GPR26: variants seen among roughly 807,000 people sequenced by gnomAD.
GPR26 encodes the protein G protein-coupled receptor 26.
In GPR26, 15 loss-of-function variants were observed where a neutral mutation model predicts 23.1. The observed-to-expected ratio is 0.65, with a 90% CI of 0.43 to 1.00. The LOEUF (loss-of-function observed/expected upper bound fraction) is 1.00, where lower values mean the gene tolerates loss of function less well. GPR26 is among the 50% of genes least tolerant of loss of function. GPR26 has a pLI of 0.00. For missense variants in GPR26, 359 were observed against 470.5 expected (o/e 0.76, Z 2.19); for synonymous variants, 228 against 222.1 (o/e 1.03, Z -0.24).
At chr10:123,682,072 A>C (rs1368670216) in intron 2 of GPR26, among the ~76,000 whole-genome samples, 1 of 152,232 alleles carries the variant, frequency 6.6e-6, no homozygotes, top group African/African-American at 2.4e-5. Flanking sequence ...CAGGCGCTGG[A>C]AACACAGAGA....
chr10:123,673,591 C>T (rs1412751957), intron 1 of GPR26, among the ~76,000 whole-genome samples: 2 of 152,198 alleles, frequency 1.3e-5, no homozygotes, highest in African/African-American at 4.8e-5. Context: ...ATCCTCAAAG[C>T]TATGTCATTG....
chr10:123,684,677 C>T (rs1258437887), intron 2 of GPR26, among the ~76,000 whole-genome samples: 2 of 152,228 alleles, frequency 1.3e-5, no homozygotes, highest in African/African-American at 4.8e-5. Flanking sequence ...TTCGTGTTCA[C>T]ACGGCACTCA....
At chr10:123,670,556 C>T (rs1221444750) in intron 1 of GPR26, among the ~76,000 whole-genome samples, 1 of 152,218 alleles carries the variant, frequency 6.6e-6, no homozygotes, top group Non-Finnish European at 1.5e-5. Context: ...GCTGGGTTCG[C>T]ATTTAGAATT....
rs1247007664 is a variant in GPR26 at position 123,674,036 on chromosome 10, C to A, written c.669-782C>A. On this transcript the variant is annotated intron_variant, in intron 1 of 2. Transcript: ENST00000284674. This position sits in a 1 kb window ranked among gnomAD's most constrained non-coding sequence, Gnocchi z 4.1. ...GCAATGACACGGTCTCAGCTCACTGCAACCTCTGCCTCCTGGGTTCAAGTG... is the reference window on the plus strand; with the variant it reads ...GCAATGACACGGTCTCAGCTCACTGAAACCTCTGCCTCCTGGGTTCAAGTG... 6.6e-6 allele frequency among the ~76,000 whole-genome samples: 1 copy of A among 152,180 alleles called. No individual in the cohort carries two copies. Among genetic ancestry groups the A allele is most frequent in the Non-Finnish European group, 1.5e-5 (1 of 68,032 alleles).
At chr10:123,669,747 C>T (rs968806093) in intron 1 of GPR26, among the ~76,000 whole-genome samples, 22 of 152,212 alleles carry the variant, frequency 1.4e-4, no homozygotes, top group Non-Finnish European at 2.8e-4. Context: ...CAGTCCTCAC[C>T]ACTTTGCTTC....
At chr10:123,678,536 G>A (rs367784177) in intron 2 of GPR26, among the ~76,000 whole-genome samples, 2 of 152,320 alleles carry the variant, frequency 1.3e-5, no homozygotes, top group African/African-American at 4.8e-5. Flanking sequence ...AGGCAGCAGG[G>A]AGAGGAGTGC....
chr10:123,689,859 G>A lies in GPR26; in HGVS notation c.*1699G>A, dbSNP rs142107543. On this transcript the variant is annotated 3_prime_UTR_variant, in exon 3 of 3. Transcript: ENST00000284674. ...AATGGAGACAGGTGTAGCTTCCAAG[G>A]AGGCCTTGGCATCTTGCAGTTGCTG... 9 of 152,264 alleles carry A rather than the reference G, an allele frequency of 5.9e-5. No homozygotes were observed. The East Asian group carries it at 1.5e-3, about 26-fold the overall frequency. The allele number at this position is 152,264 out of a possible 1,614,324, so 9.4% of individuals were successfully genotyped here.
chr10:123,674,689 C>T lies in GPR26; in HGVS notation c.669-129C>T, dbSNP rs73379632. 2.8e-3 allele frequency: 1,693 copies of T among 615,532 alleles called. 21 individuals carry two copies. The highest frequency in any genetic ancestry group is 0.025 in the African/African-American group (1,346 of 54,524). The allele number at this position is 615,532 out of a possible 1,614,324, so 38.1% of individuals were successfully genotyped here. Reference sequence around the variant, plus strand: ...GTCAATAGCTACAGCCAAGAGTTGACGCTGGGTCTTTCCGACTCCATAGTC... The same window carrying T: ...GTCAATAGCTACAGCCAAGAGTTGATGCTGGGTCTTTCCGACTCCATAGTC... On this transcript the variant is annotated intron_variant, in intron 1 of 2. Coordinates refer to ENST00000284674, the MANE Select transcript of GPR26 (RefSeq NM_153442.4). This position sits in a 1 kb window ranked among gnomAD's most constrained non-coding sequence, Gnocchi z 4.1.
intron 2 of GPR26, among the ~76,000 whole-genome samples, chr10:123,676,693 C>T (rs1185681867): frequency 1.3e-5 from 2 of 152,218 alleles, no homozygotes; most frequent in Admixed American, 1.3e-4. Context: ...GAAAGGATTT[C>T]TGTTGCTCCC....
In GPR26 at chr10:123,688,107, T is replaced by C. The variant is rs1845449501; in HGVS notation, c.961T>C (p.Ser321Pro). Reference sequence around the variant, plus strand: ...CCTGCACAGACGCTCCATCCACTCCTCTGGCCTCACAGGCGACTCTCACAG... The same window carrying C: ...CCTGCACAGACGCTCCATCCACTCCCCTGGCCTCACAGGCGACTCTCACAG... Reference protein sequence around the residue: ...RLLHRRSIHSSGLTGDSHSQN... With the variant: ...RLLHRRSIHSPGLTGDSHSQN... The change falls in exon 3 of 3, where the codon TCT (serine) becomes CCT (proline). Residue 321 changes from serine (S) to proline (P), a missense_variant. Ser to Pro is a moderately conservative substitution (Grantham distance 74). Transcript: ENST00000284674. 1.9e-6 allele frequency: 3 copies of C among 1,613,804 alleles called. No individual in the cohort carries two copies. Among genetic ancestry groups the C allele is most frequent in the East Asian group, 4.5e-5 (2 of 44,874 alleles).
In GPR26 at chr10:123,666,526, C is replaced by T. The variant is rs770106887; in HGVS notation, c.119C>T (p.Ala40Val). The change falls in exon 1 of 3, where the codon GCG (alanine) becomes GTG (valine). Residue 40 changes from alanine (A) to valine (V), a missense_variant. Coordinates refer to ENST00000284674, the MANE Select transcript of GPR26 (RefSeq NM_153442.4). ...LLHSADIRRQ[A>V]PALFTLNLTC... ...CACAGCGCGGACATCCGCCGCCAGGCGCCGGCGCTCTTCACCCTGAACCTC... is the reference window on the plus strand; with the variant it reads ...CACAGCGCGGACATCCGCCGCCAGGTGCCGGCGCTCTTCACCCTGAACCTC... 1.3e-6 allele frequency: 2 copies of T among 1,584,890 alleles called. No individual in the cohort carries two copies. The highest frequency in any genetic ancestry group is 1.3e-5 in the African/African-American group (1 of 74,160).
chr10:123,687,387 C>A (rs1044113243), intron 2 of GPR26, among the ~76,000 whole-genome samples: 3 of 152,218 alleles, frequency 2.0e-5, no homozygotes, highest in African/African-American at 7.2e-5. Context: ...GTTAAAAGAT[C>A]ATTGAGACGA....
intron 1 of GPR26, among the ~76,000 whole-genome samples, chr10:123,671,368 G>A (rs1432357769): frequency 6.6e-6 from 1 of 152,102 alleles, no homozygotes; most frequent in African/African-American, 2.4e-5. Context: ...CAAGGAAACT[G>A]TTGTGTCACA....
At chr10:123,672,292 G>A (rs1366746922) in intron 1 of GPR26, among the ~76,000 whole-genome samples, 7 of 152,264 alleles carry the variant, frequency 4.6e-5, no homozygotes, top group Middle Eastern at 3.4e-3. Context: ...TCTGGGGTGC[G>A]TGGATGAGCC....
At chr10:123,676,377 C>G (rs1004980582) in intron 2 of GPR26, among the ~76,000 whole-genome samples, 3 of 152,150 alleles carry the variant, frequency 2.0e-5, no homozygotes, top group Non-Finnish European at 4.4e-5. Context: ...TCAGCACCAC[C>G]GACATTCTAT....
intron 1 of GPR26, among the ~76,000 whole-genome samples, chr10:123,671,528 C>G (rs940760929): frequency 6.6e-6 from 1 of 152,200 alleles, no homozygotes; most frequent in Non-Finnish European, 1.5e-5. Context: ...CCTCCCTCCC[C>G]CACTCAGCCA....
At position 123,690,812 on chromosome 10, in the gene GPR26, C is replaced by A. The variant is rs1269007011; in HGVS notation, c.*2652C>A. The A allele has an allele frequency of 1.3e-5, 2 of 152,160 alleles. No individual in the cohort carries two copies. Among genetic ancestry groups the A allele is most frequent in the Non-Finnish European group, 2.9e-5 (2 of 68,030 alleles). The allele number at this position is 152,160 out of a possible 1,614,324, so 9.4% of individuals were successfully genotyped here. On this transcript the variant is annotated 3_prime_UTR_variant, in exon 3 of 3. Coordinates refer to ENST00000284674, the MANE Select transcript of GPR26 (RefSeq NM_153442.4). ...TTATTACTCCCAATTGAATTATCTA[C>A]CTCATTTTGTTAATTTAATTTATCA...
In GPR26 at chr10:123,674,778, G is replaced by T. The variant is rs764624863; in HGVS notation, c.669-40G>T. 1 of 1,337,100 alleles carries T rather than the reference G, an allele frequency of 7.5e-7. No individual in the cohort carries two copies. The highest frequency in any genetic ancestry group is 1.1e-6 in the Non-Finnish European group (1 of 933,098). The allele number at this position is 1,337,100 out of a possible 1,614,324, so 82.8% of individuals were successfully genotyped here. On this transcript the variant is annotated intron_variant, in intron 1 of 2. Coordinates refer to ENST00000284674, the MANE Select transcript of GPR26 (RefSeq NM_153442.4). The surrounding 1 kb of genome is among the most constrained non-coding windows in gnomAD (Gnocchi z 4.1). ...TAGTGCCTCATCCTGACCTAGCAAG[G>T]GTGCCTCGTAGTTCACCTTCTCTCC... is the stretch of plus-strand genomic sequence containing the variant.
In GPR26 at chr10:123,692,431, G is replaced by T. The variant is rs969212952; in HGVS notation, c.*4271G>T. The T allele has an allele frequency of 2.0e-5, 3 of 152,264 alleles. No individual in the cohort carries two copies. Among genetic ancestry groups the T allele is most frequent in the African/African-American group, 7.2e-5 (3 of 41,430 alleles). 9.4% of individuals were successfully genotyped at this position (152,264 alleles called of 1,614,324 possible). On this transcript the variant is annotated 3_prime_UTR_variant, in exon 3 of 3. Coordinates refer to ENST00000284674, the MANE Select transcript of GPR26 (RefSeq NM_153442.4). ...TCTCCATGCCAGTATCTGGGTGTGG[G>T]TCTCTTGTTGGCTCCCAGCTCATCC...
Sources: gnomAD v4.1 joint callset for allele counts (sites outside exome capture counted in the v4.1 genomes callset) on GRCh38, gnomAD v4.1.1 for gene constraint, Gnocchi (gnomAD v3.1) non-coding constraint, MANE v1.5 for transcripts, NCBI Gene and HGNC (gene_info 2026-07-23, HGNC 2026-07-21) for gene names.